Variants in PDS5A observed in about 807,000 individuals in gnomAD.
PDS5A encodes the protein sister chromatid cohesion protein PDS5 homolog A.
Under a neutral mutation model 167.1 loss-of-function variants are expected in PDS5A, and 42 were observed. The ratio of observed to expected loss-of-function variants is 0.25; its 90% CI spans 0.20 to 0.33. The LOEUF (loss-of-function observed/expected upper bound fraction) is 0.33, where lower values mean the gene tolerates loss of function less well. Among genes scored for constraint, PDS5A ranks in the 10% least tolerant of loss-of-function variants. The pLI is 1.00. For synonymous variants in PDS5A, 553 were observed against 554.6 expected (o/e 1.00, Z 0.04); for missense variants, 1,033 against 1,605.9 (o/e 0.64, Z 6.10).
At chr4:39,878,867 C>T (rs975745959) in intron 18 of PDS5A, among the ~76,000 whole-genome samples, 2 of 151,990 alleles carry the variant, frequency 1.3e-5, no homozygotes, top group East Asian at 1.9e-4. Flanking sequence ...CCTCAGCCTC[C>T]GAAGTAGCTG....
intron 11 of PDS5A, among the ~76,000 whole-genome samples, chr4:39,906,917 T>TAAAAAAAAAAA (rs1191690836): frequency 9.3e-5 from 5 of 54,026 alleles, no homozygotes; most frequent in East Asian, 5.5e-4. Flanking sequence ...ATTTCTTACA[T>TAAAAAAAAAAA]AAAAAAAAAA....
intron 2 of PDS5A, among the ~76,000 whole-genome samples, chr4:39,957,020 T>C (rs905283887): frequency 6.6e-6 from 1 of 152,050 alleles, no homozygotes; most frequent in African/African-American, 2.4e-5. Context: ...GTATTCTCTT[T>C]ATCTACACTG....
intron 26 of PDS5A, among the ~76,000 whole-genome samples, chr4:39,854,558 G>C (rs1718378768): frequency 6.6e-6 from 1 of 152,130 alleles, no homozygotes; most frequent in Non-Finnish European, 1.5e-5. Context: ...CTGCTCTACA[G>C]ATTATTTTTT....
chr4:39,914,607 T>C (rs908628632), intron 8 of PDS5A, among the ~76,000 whole-genome samples: 1 of 152,172 alleles, frequency 6.6e-6, no homozygotes, highest in Admixed American at 6.5e-5. Flanking sequence ...AAAGCAAAAC[T>C]TCATTGTTTT....
chr4:39,960,763 C>T (rs1481333585), intron 2 of PDS5A, among the ~76,000 whole-genome samples: 2 of 151,656 alleles, frequency 1.3e-5, no homozygotes, highest in African/African-American at 4.8e-5. Flanking sequence ...GATCTCAGCT[C>T]ACTGCAACCT....
Position 39,838,009 on chromosome 4 carries a change from T to A in PDS5A, c.3857A>T (p.Asp1286Val). ...CTTGTTAATAGGTTTATTTAGATCA[T>A]CATTTTTGGTAGCATTGCCCTGAGA... Reference protein sequence around the residue: ...SESQGNATKNDDLNKPINKGR... With the variant: ...SESQGNATKNVDLNKPINKGR... The change falls in exon 32 of 33, where the codon GAT (aspartate) becomes GTT (valine). Residue 1286 changes from aspartate to valine, a missense_variant. Physicochemically the swap from Asp to Val is radical, Grantham distance 152. Coordinates refer to ENST00000303538, the MANE Select transcript of PDS5A (RefSeq NM_001100399.2). The A allele has an allele frequency of 6.2e-7, 1 of 1,614,026 alleles. No homozygotes were observed.
intron 26 of PDS5A, among the ~76,000 whole-genome samples, chr4:39,857,448 G>A (rs1718631516): frequency 6.6e-6 from 1 of 150,958 alleles, no homozygotes; most frequent in Non-Finnish European, 1.5e-5. Flanking sequence ...ACAAGACAAA[G>A]AGGCAAAATT....
rs538894734 is a variant in PDS5A at position 39,924,646 on chromosome 4, G to A, written c.527+1190C>T. On this transcript the variant is annotated intron_variant, in intron 5 of 32. Coordinates refer to ENST00000303538, the MANE Select transcript of PDS5A (RefSeq NM_001100399.2). ...GAAACATGAGGAGGGCCACATGTTG[G>A]AATGAAAATACTTTTGGATACAGTG... is the stretch of plus-strand genomic sequence containing the variant. Among the ~76,000 whole-genome samples the A allele has an allele frequency of 3.4e-4, 52 of 152,350 alleles. 1 individual carries two copies. The highest frequency in any genetic ancestry group is 1.1e-3 in the African/African-American group (47 of 41,572).
chr4:39,958,129 T>C (rs1301478824), intron 2 of PDS5A, among the ~76,000 whole-genome samples: 2 of 152,174 alleles, frequency 1.3e-5, no homozygotes, highest in Non-Finnish European at 2.9e-5. Flanking sequence ...CGAGCTCAAG[T>C]GATCCGTCTG....
At chr4:39,954,261 G>A (rs1728692527) in intron 2 of PDS5A, among the ~76,000 whole-genome samples, 1 of 152,086 alleles carries the variant, frequency 6.6e-6, no homozygotes, top group Admixed American at 6.6e-5. Context: ...TTAGGAGGCT[G>A]AGGTGGGAGG....
At chr4:39,931,909 T>C (rs1020631383) in intron 2 of PDS5A, among the ~76,000 whole-genome samples, 2 of 150,644 alleles carry the variant, frequency 1.3e-5, no homozygotes, top group Admixed American at 6.6e-5. Flanking sequence ...TTTTTTTTTT[T>C]AAGACAGAGT....
At chr4:39,835,414 G>A (rs1716295712) in intron 32 of PDS5A, among the ~76,000 whole-genome samples, 1 of 152,182 alleles carries the variant, frequency 6.6e-6, no homozygotes, top group South Asian at 2.1e-4. Context: ...TGATATTGGG[G>A]CACATAGTGC....
At chr4:39,896,135 T>C (rs913908503) in intron 16 of PDS5A, among the ~76,000 whole-genome samples, 9 of 151,698 alleles carry the variant, frequency 5.9e-5, no homozygotes, top group African/African-American at 9.7e-5. Context: ...CTTAAAATCC[T>C]GGGCTCAAGT....
At chr4:39,888,652 T>C (rs1308816974) in intron 17 of PDS5A, among the ~76,000 whole-genome samples, 2 of 149,884 alleles carry the variant, frequency 1.3e-5, no homozygotes, top group Admixed American at 6.7e-5. Context: ...TGTATGCAAA[T>C]GGAGCTCATT....
At chr4:39,829,438 CAGG>C (rs949558914) in intron 32 of PDS5A, among the ~76,000 whole-genome samples, 4 of 152,034 alleles carry the variant, frequency 2.6e-5, no homozygotes, top group Non-Finnish European at 5.9e-5. Flanking sequence ...ATCACGAGGT[CAGG>C]AGATCAGGAC....
chr4:39,915,266 T>C (rs1724258417), intron 8 of PDS5A, among the ~76,000 whole-genome samples: 1 of 151,418 alleles, frequency 6.6e-6, no homozygotes, highest in Non-Finnish European at 1.5e-5. Context: ...CTTGAACTCC[T>C]GGCCTCAGGC....
At position 39,928,012 on chromosome 4, in the gene PDS5A, G is replaced by T; in HGVS notation, c.291C>A (p.Ile97=). Residue 97 remains isoleucine, a synonymous_variant, in exon 3 of 33, where the codon ATC becomes ATA. Coordinates refer to ENST00000303538, the MANE Select transcript of PDS5A (RefSeq NM_001100399.2). The part of the protein sequence containing the change: ...RLLVACCLAD[I]FRIYAPEAPY... ...GAGCTTCTGGGGCATAGATACGAAA[G>T]ATATCAGCCAAACAACATGCTACAA... 6.2e-7 allele frequency: 1 copy of T among 1,613,858 alleles called. No homozygotes were observed. The highest frequency in any genetic ancestry group is 8.5e-7 in the Non-Finnish European group (1 of 1,179,788).
chr4:39,916,278 TAGC>T (rs753459833), intron 8 of PDS5A, among the ~76,000 whole-genome samples: 3 of 151,992 alleles, frequency 2.0e-5, no homozygotes, highest in Non-Finnish European at 4.4e-5. Flanking sequence ...CTTTTACAAA[TAGC>T]AGAGGGGCAA....
intron 2 of PDS5A, among the ~76,000 whole-genome samples, chr4:39,940,115 G>A (rs930396454): frequency 2.6e-5 from 4 of 151,754 alleles, no homozygotes; most frequent in East Asian, 2.0e-4. Flanking sequence ...AAATTTAGCC[G>A]GGCGTGGTGG....
Sources: allele counts gnomAD v4.1 joint callset (sites outside exome capture counted in the v4.1 genomes callset), GRCh38; gene constraint gnomAD v4.1.1; transcripts MANE v1.5; gene names NCBI Gene and HGNC (gene_info 2026-07-23, HGNC 2026-07-21).